Variants in NRXN1 observed in about 807,000 individuals in gnomAD.
The protein encoded by NRXN1 is neurexin 1, also known as neurexin-1.
In NRXN1, 39 loss-of-function variants were observed where a neutral mutation model predicts 150.9. The ratio of observed to expected loss-of-function variants is 0.26; its 90% CI spans 0.20 to 0.34. The LOEUF is 0.34. Ranked by LOEUF, NRXN1 falls within the 10% of genes least tolerant of loss-of-function variation. The probability of loss-of-function intolerance (pLI) is 1.00; values close to 1 mark genes in which losing one functional copy is unlikely to be tolerated. For missense variants in NRXN1, 1,815 were observed against 1,949.9 expected (o/e 0.93, Z 1.30); for synonymous variants, 924 against 757.0 (o/e 1.22, Z -3.62).
At chr2:50,904,021 T>C (rs1683315766) in intron 5 of NRXN1, among the ~76,000 whole-genome samples, 1 of 152,162 alleles carries the variant, frequency 6.6e-6, no homozygotes. Context: ...ATGTCTCTGC[T>C]GGAATCAGGG....
chr2:50,399,636 G>A (rs543084570), intron 17 of NRXN1, among the ~76,000 whole-genome samples: 30 of 151,554 alleles, frequency 2.0e-4, no homozygotes, highest in Non-Finnish European at 3.4e-4. Context: ...CTAACCCAGG[G>A]GTCCAGTAAG....
chr2:50,976,402 CTTCT>C (rs1695847018), intron 2 of NRXN1, among the ~76,000 whole-genome samples: 1 of 151,800 alleles, frequency 6.6e-6, no homozygotes, highest in Non-Finnish European at 1.5e-5. Context: ...TTCCTTACAT[CTTCT>C]TTAATTGCTG....
chr2:50,210,178 G>C (rs578005433), intron 18 of NRXN1, among the ~76,000 whole-genome samples: 1 of 151,980 alleles, frequency 6.6e-6, no homozygotes, highest in African/African-American at 2.4e-5. Context: ...GAATAGCCTT[G>C]TTTTGTTTTC....
At chr2:50,503,859 A>ATGTTGG (rs2092083187) in intron 13 of NRXN1, among the ~76,000 whole-genome samples, 2 of 152,150 alleles carry the variant, frequency 1.3e-5, no homozygotes, top group Non-Finnish European at 2.9e-5. Flanking sequence ...ACTGGACAAC[A>ATGTTGG]TGTTGACCAA....
At chr2:50,361,628 G>C (rs192036038) in intron 17 of NRXN1, among the ~76,000 whole-genome samples, 1 of 151,240 alleles carries the variant, frequency 6.6e-6, no homozygotes, top group Non-Finnish European at 1.5e-5. Flanking sequence ...TTTAAAAAAA[G>C]CCCAGGACCA....
At chr2:50,419,750 C>A (rs1520441) in intron 17 of NRXN1, among the ~76,000 whole-genome samples, 1,808 of 152,100 alleles carry the variant, frequency 0.012, 30 homozygotes, top group African/African-American at 0.041. Flanking sequence ...AACAAAAATT[C>A]TCCACCATGA....
chr2:50,168,832 T>C (rs892805040), intron 18 of NRXN1, among the ~76,000 whole-genome samples: 1 of 152,218 alleles, frequency 6.6e-6, no homozygotes, highest in Non-Finnish European at 1.5e-5. Flanking sequence ...AGGCAGCTGA[T>C]GGTGATTTCG....
chr2:50,067,058 C>T (rs1695473917), intron 19 of NRXN1, among the ~76,000 whole-genome samples: 1 of 152,162 alleles, frequency 6.6e-6, no homozygotes, highest in South Asian at 2.1e-4. Context: ...GTGACTAATG[C>T]TTCAGATGAC....
chr2:49,929,969 A>T (rs150925368), intron 22 of NRXN1, among the ~76,000 whole-genome samples: 4 of 152,348 alleles, frequency 2.6e-5, no homozygotes, highest in Non-Finnish European at 4.4e-5. Flanking sequence ...GGAGTAGGAC[A>T]AAGGTTTCTG....
chr2:50,754,724 C>T (rs1444034447), intron 5 of NRXN1, among the ~76,000 whole-genome samples: 2 of 151,860 alleles, frequency 1.3e-5, no homozygotes, highest in Non-Finnish European at 2.9e-5. Flanking sequence ...AACTGTTTTA[C>T]CATATGCCTC....
At chr2:51,008,961 T>C (rs1475214129) in intron 2 of NRXN1, among the ~76,000 whole-genome samples, 2 of 151,836 alleles carry the variant, frequency 1.3e-5, no homozygotes, top group African/African-American at 4.8e-5. Flanking sequence ...ATCTGAGCTG[T>C]AGAGTCAATG....
chr2:50,681,452 T>G lies in NRXN1; in HGVS notation c.833-57837A>C, dbSNP rs186341119. On this transcript the variant is annotated intron_variant, in intron 5 of 22. Transcript: ENST00000401669. ...CAGGCATGAGCTGAGTAGCCCATTC[T>G]GTCTTGGAGGACAGGAGCAAAAGGG... 9.8e-5 allele frequency among the ~76,000 whole-genome samples: 15 copies of G among 152,320 alleles called. 1 individual carries two copies. Among genetic ancestry groups the G allele is most frequent in the Admixed American group, 6.5e-4 (10 of 15,294 alleles).
chr2:50,017,048 G>T, intron 21 of NRXN1, among the ~76,000 whole-genome samples: 1 of 152,150 alleles, frequency 6.6e-6, no homozygotes, highest in Non-Finnish European at 1.5e-5. Context: ...GACAGAGGAT[G>T]TGTTCCAGCT....
At chr2:50,823,498 A>T (rs1319376491) in intron 5 of NRXN1, among the ~76,000 whole-genome samples, 2 of 152,208 alleles carry the variant, frequency 1.3e-5, no homozygotes, top group African/African-American at 2.4e-5. Context: ...TATAAGTAGT[A>T]GCAGAGGCAA....
At chr2:50,606,522 A>G (rs969493715) in intron 8 of NRXN1, among the ~76,000 whole-genome samples, 1 of 151,512 alleles carries the variant, frequency 6.6e-6, no homozygotes, top group African/African-American at 2.4e-5. Flanking sequence ...GATCTGCTGT[A>G]TAACATTGTG....
intron 8 of NRXN1, among the ~76,000 whole-genome samples, chr2:50,598,548 GTGTGTATATATATA>G (rs1453988363): frequency 7.1e-6 from 1 of 141,448 alleles, no homozygotes; most frequent in African/African-American, 2.7e-5. Flanking sequence ...TCCTATATAT[GTGTGTATATATATA>G]TGTGTGTGTG....
At chr2:50,677,813 C>A (rs1417562214) in intron 5 of NRXN1, among the ~76,000 whole-genome samples, 1 of 152,058 alleles carries the variant, frequency 6.6e-6, no homozygotes, top group African/African-American at 2.4e-5. Context: ...CCTCCATTTC[C>A]AAACCCATTC....
At chr2:50,344,658 T>C (rs1190487074) in intron 17 of NRXN1, among the ~76,000 whole-genome samples, 2 of 152,116 alleles carry the variant, frequency 1.3e-5, no homozygotes, top group South Asian at 2.1e-4. Context: ...GAAAGAAATG[T>C]TTGTAAAGGC....
intron 21 of NRXN1, among the ~76,000 whole-genome samples, chr2:49,948,367 C>T (rs1489449444): frequency 2.0e-5 from 3 of 152,072 alleles, no homozygotes; most frequent in Non-Finnish European, 4.4e-5. Context: ...AATGGTACTT[C>T]CTATAGCCCT....
Sources: gnomAD v4.1 joint callset for allele counts (sites outside exome capture counted in the v4.1 genomes callset) on GRCh38, gnomAD v4.1.1 for gene constraint, MANE v1.5 for transcripts, NCBI Gene and HGNC (gene_info 2026-07-23, HGNC 2026-07-21) for gene names.